HELZ: variants seen among roughly 807,000 people sequenced by gnomAD.
The protein encoded by HELZ is ATP-dependent RNA helicase with zinc finger domain.
In HELZ, 23 loss-of-function variants were observed where a neutral mutation model predicts 218.2. That is an observed-to-expected ratio of 0.11 (90% confidence interval 0.08 to 0.15). HELZ has a LOEUF of 0.15. Ranked by LOEUF, HELZ falls within the 10% of genes least tolerant of loss-of-function variation. The pLI is 1.00. For missense variants in HELZ, 1,813 were observed against 2,353.7 expected (o/e 0.77, Z 4.75); for synonymous variants, 814 against 829.4 (o/e 0.98, Z 0.32).
intron 20 of HELZ, 60 bp from the exon 21 acceptor site, chr17:67,145,950 A>G (rs1483452870): frequency 2.7e-6 from 4 of 1,456,208 alleles, no homozygotes; most frequent in Non-Finnish European, 2.8e-6. Context: ...AATTTCACCC[A>G]TAAGAAAAAA....
At chr17:67,180,302 A>C (rs377497749) in intron 12 of HELZ, among the ~76,000 whole-genome samples, 1 of 152,042 alleles carries the variant, frequency 6.6e-6, no homozygotes, top group Non-Finnish European at 1.5e-5. Context: ...TGAACAACAT[A>C]GTGAGACCCT....
intron 15 of HELZ, among the ~76,000 whole-genome samples, chr17:67,162,734 A>ATT (rs11396536): frequency 5.1e-4 from 74 of 146,226 alleles, no homozygotes; most frequent in Admixed American, 1.9e-3. Context: ...CTTATTGTTA[A>ATT]TTTTTTTTTT....
intron 13 of HELZ, among the ~76,000 whole-genome samples, chr17:67,174,335 T>C (rs1471317802): frequency 6.6e-6 from 1 of 152,142 alleles, no homozygotes; most frequent in Non-Finnish European, 1.5e-5. Flanking sequence ...CACAGTCTGA[T>C]GGGATCTTGC....
chr17:67,086,955 G>A lies in HELZ; in HGVS notation c.5368C>T (p.His1790Tyr). The A allele has an allele frequency of 1.2e-6, 2 of 1,613,908 alleles. No individual in the cohort carries two copies. The highest frequency in any genetic ancestry group is 1.7e-6 in the Non-Finnish European group (2 of 1,180,002). Residue 1790 changes from histidine (H) to tyrosine (Y), a missense_variant, in exon 32 of 33, where the codon CAC becomes TAC. His to Tyr is a moderately conservative substitution (Grantham distance 83, BLOSUM62 2). Transcript: ENST00000358691. ...AAGTTGAAAGAAGATTGGTTACTGT[G>A]GTCCTGAAGCTCTTTACACTGAGCC... ...SLAQCKELQD[H>Y]SNQSSFNFSS...
At position 67,071,296 on chromosome 17, in the gene HELZ, C is replaced by T. The variant is rs912280521; in HGVS notation, c.*6956G>A. The T allele has an allele frequency of 5.2e-4, 80 of 152,676 alleles. No homozygotes were observed. The highest frequency in any genetic ancestry group is 1.8e-3 in the African/African-American group (76 of 41,558). The allele number at this position is 152,676 out of a possible 1,614,324, so 9.5% of individuals were successfully genotyped here. A position where few individuals can be genotyped will look rare whatever the true frequency, so the allele number is the denominator to read the frequency against. ...CAGCTGCACTGACACTTTGGGACTTCAACCAGGACAAAGAGCCCTCTGACC... is the reference window on the plus strand; with the variant it reads ...CAGCTGCACTGACACTTTGGGACTTTAACCAGGACAAAGAGCCCTCTGACC... On this transcript the variant is annotated 3_prime_UTR_variant, in exon 33 of 33. Coordinates refer to ENST00000358691, the MANE Select transcript of HELZ (RefSeq NM_014877.4).
intron 8 of HELZ, among the ~76,000 whole-genome samples, chr17:67,194,797 A>G (rs936728598): frequency 1.3e-5 from 2 of 152,206 alleles, no homozygotes; most frequent in Admixed American, 6.5e-5. Flanking sequence ...AGGAAAAGAA[A>G]GATATTCAGC....
intron 17 of HELZ, among the ~76,000 whole-genome samples, chr17:67,159,857 C>A (rs796471204): frequency 2.6e-5 from 4 of 152,214 alleles, no homozygotes; most frequent in African/African-American, 9.6e-5. Context: ...CCTGCATGAT[C>A]ACAGCCAAAA....
chr17:67,086,631 A>ATATAAATAAATATATATATATAT (rs1598183996), intron 32 of HELZ, among the ~76,000 whole-genome samples, 198 bp downstream of exon 32: 3 of 93,318 alleles, frequency 3.2e-5, no homozygotes, highest in Admixed American at 1.2e-4. Context: ...TATAAATATA[A>ATATAAATAAATATATATATATAT]ATATATATAT....
Position 67,167,861 on chromosome 17 carries a change from T to A in HELZ, c.1431-65A>T, listed in dbSNP as rs868272022. 83 of 1,077,472 alleles carry A rather than the reference T, an allele frequency of 7.7e-5. 4 individuals are homozygous for A. In the Middle Eastern group the frequency reaches 7.9e-3, roughly 102 times the overall value. The allele number at this position is 1,077,472 out of a possible 1,614,324, so 66.7% of individuals were successfully genotyped here. On this transcript the variant is annotated intron_variant, in intron 13 of 32. Transcript: ENST00000358691. ...CAAAAATATATAAAAACTAGAAGAG[T>A]GAAACAAAGTAAATCAAATATAAAC...
intron 7 of HELZ, among the ~76,000 whole-genome samples, chr17:67,198,145 T>C (rs1205498393): frequency 6.6e-6 from 1 of 152,134 alleles, no homozygotes; most frequent in Admixed American, 6.6e-5. Flanking sequence ...TTAAAACCTA[T>C]CAAAATAAAT....
chr17:67,229,532 A>C (rs914793950), intron 3 of HELZ, among the ~76,000 whole-genome samples: 7 of 152,100 alleles, frequency 4.6e-5, no homozygotes, highest in Non-Finnish European at 7.4e-5. Context: ...CTATCTTATA[A>C]ATTAGAATCC....
chr17:67,116,622 T>C (rs978962594), intron 27 of HELZ, among the ~76,000 whole-genome samples: 4 of 152,120 alleles, frequency 2.6e-5, no homozygotes, highest in Non-Finnish European at 5.9e-5. Context: ...TCCATAACGA[T>C]AAACGAGTTA....
rs779127909 is a variant in HELZ at position 67,108,720 on chromosome 17, A to G, written c.4496T>C (p.Ile1499Thr). The G allele has an allele frequency of 3.2e-6, 5 of 1,569,892 alleles. No homozygotes were observed. In the African/African-American group the frequency reaches 6.8e-5, roughly 21 times the overall value. ...TGTTTCCAGAGCGACACTCCCATGT[A>G]TACGATCTGCAAAAATATTTGTGAA... The part of the protein sequence containing the change: ...GLPIGEALDR[I>T]HGSVALETLR... Residue 1499 changes from isoleucine to threonine, a missense_variant, in exon 30 of 33, where the codon ATA (isoleucine) becomes ACA (threonine). This residue lies in a region of HELZ where 938 missense variants were observed against 1,027.5 expected (regional missense o/e 0.91). Coordinates refer to ENST00000358691, the MANE Select transcript of HELZ (RefSeq NM_014877.4). This position sits in a 1 kb window ranked among gnomAD's most constrained non-coding sequence, Gnocchi z 4.1.
intron 5 of HELZ, among the ~76,000 whole-genome samples, chr17:67,207,984 G>GC (rs1199308236): frequency 2.0e-5 from 3 of 152,178 alleles, no homozygotes; most frequent in Admixed American, 2.0e-4. Context: ...GGGCGACAGA[G>GC]CAAGACCCTG....
chr17:67,139,441 C>A (rs990123861), intron 21 of HELZ, among the ~76,000 whole-genome samples: 2 of 152,154 alleles, frequency 1.3e-5, no homozygotes, highest in Non-Finnish European at 2.9e-5. Flanking sequence ...ACCTCTGCTG[C>A]GCCCTCCCAC....
At chr17:67,104,635 A>G (rs1386910439) in intron 31 of HELZ, among the ~76,000 whole-genome samples, 1 of 152,126 alleles carries the variant, frequency 6.6e-6, no homozygotes, top group African/African-American at 2.4e-5. Flanking sequence ...AATAATTGCA[A>G]ATCATATATG....
At chr17:67,239,308 G>A (rs907286050) in intron 3 of HELZ, 125 bp downstream of exon 3, 4 of 152,200 alleles carry the variant, frequency 2.6e-5, no homozygotes, top group African/African-American at 9.7e-5. Flanking sequence ...GATTCCGTTA[G>A]GATCTGTGCC....
At position 67,161,080 on chromosome 17, in the gene HELZ, T is replaced by C. The variant is rs775865398; in HGVS notation, c.1896-4A>G. The C allele has an allele frequency of 9.5e-6, 15 of 1,586,112 alleles. No homozygotes were observed. Among genetic ancestry groups the C allele is most frequent in the East Asian group, 2.3e-5 (1 of 44,166 alleles). On this transcript the variant is annotated splice_region_variant and splice_polypyrimidine_tract_variant and intron_variant, in intron 15 of 32. Transcript: ENST00000358691. ...ATCCAACTGTTCATCCCATTGTCTA[T>C]GGAAAATAAAAATTTATGTTAAACA... is the stretch of plus-strand genomic sequence containing the variant.
Position 67,161,093 on chromosome 17 carries a change from T to C in HELZ, c.1896-17A>G, listed in dbSNP as rs549151593. 5.1e-6 allele frequency: 8 copies of C among 1,572,464 alleles called. No individual in the cohort carries two copies. In the South Asian group the frequency reaches 8.3e-5, roughly 16 times the overall value. On this transcript the variant is annotated splice_polypyrimidine_tract_variant and intron_variant, in intron 15 of 32. Transcript: ENST00000358691. ...TCCCATTGTCTATGGAAAATAAAAA[T>C]TTATGTTAAACACATGCATCTCGTT...
Sources: gnomAD v4.1 joint callset for allele counts (sites outside exome capture counted in the v4.1 genomes callset) on GRCh38, gnomAD v4.1.1 for gene constraint, gnomAD v4.1.1 regional missense constraint, Gnocchi (gnomAD v3.1) non-coding constraint, MANE v1.5 for transcripts, NCBI Gene and HGNC (gene_info 2026-07-23, HGNC 2026-07-21) for gene names.